Variants in CAMK1D observed in about 807,000 individuals in gnomAD.
CAMK1D encodes the protein calcium/calmodulin dependent protein kinase ID.
A neutral mutation model predicts 47.7 loss-of-function variants in CAMK1D; 9 were observed. The observed-to-expected ratio is 0.19, with a 90% CI of 0.11 to 0.33. The LOEUF (loss-of-function observed/expected upper bound fraction) is 0.33, where lower values mean the gene tolerates loss of function less well. Ranked by LOEUF, CAMK1D falls within the 10% of genes least tolerant of loss-of-function variation. CAMK1D has a pLI of 1.00. For missense variants in CAMK1D, 291 were observed against 488.7 expected, an observed-to-expected ratio of 0.60 and a Z score of 3.81; for synonymous variants, 184 against 184.9, an observed-to-expected ratio of 0.99 and a Z score of 0.04.
intron 5 of CAMK1D, among the ~76,000 whole-genome samples, chr10:12,772,685 C>G (rs1211700888): frequency 1.3e-5 from 2 of 152,186 alleles, no homozygotes; most frequent in Non-Finnish European, 2.9e-5. Context: ...TCTTGCTACT[C>G]TAAATGGCAG....
chr10:12,817,018 T>C (rs1035292052), intron 8 of CAMK1D, among the ~76,000 whole-genome samples: 9 of 151,212 alleles, frequency 6.0e-5, no homozygotes, highest in Non-Finnish European at 8.8e-5. Context: ...ATATCTTACA[T>C]GGATGGGAGC....
At chr10:12,629,806 A>G (rs910789783) in intron 2 of CAMK1D, among the ~76,000 whole-genome samples, 1 of 152,234 alleles carries the variant, frequency 6.6e-6, no homozygotes. Context: ...ATACAGAAGG[A>G]GGAGAACATC....
chr10:12,474,867 A>ATT (rs34774331), intron 1 of CAMK1D, among the ~76,000 whole-genome samples: 361 of 148,596 alleles, frequency 2.4e-3, no homozygotes, highest in East Asian at 6.5e-3. Flanking sequence ...GCGTTCCTGC[A>ATT]TTTTTTTTTT....
intron 2 of CAMK1D, among the ~76,000 whole-genome samples, chr10:12,563,700 G>GAGAGAGGGA: frequency 1.2e-5 from 1 of 85,256 alleles, no homozygotes; most frequent in East Asian, 5.6e-4. Context: ...AGAGAGAGAG[G>GAGAGAGGGA]GAGAGAGAGG....
chr10:12,617,962 A>G (rs1838874416), intron 2 of CAMK1D, among the ~76,000 whole-genome samples: 2 of 152,172 alleles, frequency 1.3e-5, no homozygotes, highest in Non-Finnish European at 2.9e-5. Flanking sequence ...TTGCATTGTC[A>G]TTTCAGAATT....
chr10:12,666,219 T>C (rs1840426158), intron 2 of CAMK1D, among the ~76,000 whole-genome samples: 1 of 152,050 alleles, frequency 6.6e-6, no homozygotes, highest in African/African-American at 2.4e-5. Context: ...AGGTTGGTTT[T>C]TTTTTTCCTT....
At chr10:12,501,939 G>C (rs1053060945) in intron 1 of CAMK1D, among the ~76,000 whole-genome samples, 2 of 152,192 alleles carry the variant, frequency 1.3e-5, no homozygotes, top group African/African-American at 4.8e-5. Context: ...GGGAGCTGGC[G>C]GCAGAGTGGA....
chr10:12,561,036 C>T (rs1049965726), intron 2 of CAMK1D, among the ~76,000 whole-genome samples: 3 of 152,002 alleles, frequency 2.0e-5, no homozygotes, highest in Admixed American at 2.0e-4. Context: ...GCCTCAGCCT[C>T]CCGAGTAGCT....
chr10:12,520,233 C>T (rs547951928), intron 1 of CAMK1D, among the ~76,000 whole-genome samples: 1 of 75,722 alleles, frequency 1.3e-5, no homozygotes, highest in South Asian at 5.6e-4. Flanking sequence ...CGGGCAGAGA[C>T]GCTCCTCACC....
chr10:12,625,012 C>T (rs1839163892), intron 2 of CAMK1D, among the ~76,000 whole-genome samples: 1 of 151,522 alleles, frequency 6.6e-6, no homozygotes, highest in African/African-American at 2.4e-5. Flanking sequence ...TCCTCCTCCT[C>T]CTCCTCCTCC....
intron 1 of CAMK1D, among the ~76,000 whole-genome samples, chr10:12,391,762 A>G (rs1838742128): frequency 6.6e-6 from 1 of 152,296 alleles, no homozygotes; most frequent in African/African-American, 2.4e-5. Context: ...AATGGCAAGC[A>G]TAAGGAAATT....
At chr10:12,366,854 T>A (rs1323048747) in intron 1 of CAMK1D, among the ~76,000 whole-genome samples, 1 of 152,058 alleles carries the variant, frequency 6.6e-6, no homozygotes, top group African/African-American at 2.4e-5. Flanking sequence ...TCACTGTGCA[T>A]TGGCTGTGGA....
chr10:12,652,677 A>G (rs913334522), intron 2 of CAMK1D, among the ~76,000 whole-genome samples: 5 of 152,212 alleles, frequency 3.3e-5, no homozygotes, highest in African/African-American at 1.2e-4. Context: ...AGAATTTGCA[A>G]ATAGCCCTGG....
intron 7 of CAMK1D, 24 bp downstream of exon 7, chr10:12,814,331 C>A: frequency 6.7e-7 from 1 of 1,483,720 alleles, no homozygotes; most frequent in Non-Finnish European, 9.4e-7. Context: ...AGGCAGCTCC[C>A]AGTGGGCGGC....
intron 1 of CAMK1D, among the ~76,000 whole-genome samples, chr10:12,361,164 C>G (rs530646969): frequency 6.6e-6 from 1 of 151,574 alleles, no homozygotes; most frequent in South Asian, 2.1e-4. Context: ...GGGCCCTAGT[C>G]GTGATGGACA....
chr10:12,402,193 C>T (rs377450341), intron 1 of CAMK1D, among the ~76,000 whole-genome samples: 42 of 152,160 alleles, frequency 2.8e-4, no homozygotes, highest in African/African-American at 8.9e-4. Context: ...CTGCGTGCCT[C>T]GGCTTCCCAA....
chr10:12,538,646 G>A (rs1023766423), intron 1 of CAMK1D, among the ~76,000 whole-genome samples: 34 of 152,146 alleles, frequency 2.2e-4, no homozygotes, highest in African/African-American at 7.0e-4. Context: ...GCCCGAGGAG[G>A]TGCAGGCCAG....
chr10:12,373,040 A>G (rs377217705), intron 1 of CAMK1D, among the ~76,000 whole-genome samples: 2 of 152,322 alleles, frequency 1.3e-5, no homozygotes, highest in Non-Finnish European at 1.5e-5. Context: ...GCCACCAGGT[A>G]TTCTTTTAAC....
At chr10:12,589,663 A>G (rs1278033945) in intron 2 of CAMK1D, among the ~76,000 whole-genome samples, 3 of 152,184 alleles carry the variant, frequency 2.0e-5, no homozygotes, top group East Asian at 3.8e-4. Flanking sequence ...CTTAAAAATC[A>G]GCTCCTCCAA....
Sources: allele counts gnomAD v4.1 joint callset (sites outside exome capture counted in the v4.1 genomes callset), GRCh38; gene constraint gnomAD v4.1.1; transcripts MANE v1.5; gene names NCBI Gene and HGNC (gene_info 2026-07-23, HGNC 2026-07-21).